Variants in NRXN3 observed in about 807,000 individuals in gnomAD.
The protein encoded by NRXN3 is neurexin III.
In NRXN3, 32 loss-of-function variants were observed where a neutral mutation model predicts 137.6. That is an observed-to-expected ratio of 0.23 (90% CI 0.18 to 0.31). The LOEUF is 0.31. NRXN3 is among the 10% of genes least tolerant of loss of function. The pLI is 1.00. For synonymous variants in NRXN3, 798 were observed against 784.5 expected, an observed-to-expected ratio of 1.02 and a Z score of -0.29; for missense variants, 1,574 against 2,062.5, an observed-to-expected ratio of 0.76 and a Z score of 4.59.
intron 15 of NRXN3, among the ~76,000 whole-genome samples, chr14:79,171,914 T>TA (rs750862341): frequency 1.3e-5 from 2 of 151,374 alleles, no homozygotes; most frequent in African/African-American, 2.4e-5. Flanking sequence ...CTTTCAAGAG[T>TA]AAAAGGAAAG....
chr14:79,128,445 T>C (rs1479775619), intron 15 of NRXN3, among the ~76,000 whole-genome samples: 156 of 134,478 alleles, frequency 1.2e-3, no homozygotes, highest in Admixed American at 2.3e-3. Context: ...CATGTGGTTT[T>C]TGTCTTTGGT....
chr14:78,783,282 A>T (rs749142016), intron 8 of NRXN3, among the ~76,000 whole-genome samples: 22 of 152,160 alleles, frequency 1.4e-4, no homozygotes, highest in Non-Finnish European at 2.9e-4. Flanking sequence ...TGCCAAAAAC[A>T]TGTAACTTCT....
At chr14:78,624,829 G>GTT (rs142137582) in intron 4 of NRXN3, among the ~76,000 whole-genome samples, 15,574 of 146,886 alleles carry the variant, frequency 0.11, 1,071 homozygotes, top group South Asian at 0.16. Context: ...GTGTGTGTGT[G>GTT]TGTTTGTTTG....
intron 16 of NRXN3, among the ~76,000 whole-genome samples, chr14:79,469,018 C>A (rs1211296559): frequency 1.3e-5 from 2 of 152,192 alleles, no homozygotes; most frequent in Non-Finnish European, 2.9e-5. Context: ...TAAGAACCAC[C>A]ATAATTTACA....
chr14:79,070,553 A>G (rs2099686342), intron 15 of NRXN3, among the ~76,000 whole-genome samples: 1 of 152,142 alleles, frequency 6.6e-6, no homozygotes. Context: ...CAATAACTCC[A>G]CATTTCTCTC....
At position 79,575,158 on chromosome 14, in the gene NRXN3, C is replaced by T. The variant is rs373507844; in HGVS notation, c.3445-88620C>T. On this transcript the variant is annotated intron_variant, in intron 16 of 20. Coordinates refer to ENST00000335750, the MANE Select transcript of NRXN3 (RefSeq NM_001330195.2). The stretch of plus-strand genomic sequence containing the variant: ...TATTTCTCACTGGAATTAGTATAGG[C>T]GGAAAACACCATCAATCATAGTCAT... Among the ~76,000 whole-genome samples the T allele has an allele frequency of 1.9e-3, 283 of 152,220 alleles. 3 individuals carry two copies. Among genetic ancestry groups the T allele is most frequent in the African/African-American group, 6.1e-3 (253 of 41,552 alleles).
chr14:78,503,038 G>A (rs1048358078), intron 4 of NRXN3, among the ~76,000 whole-genome samples: 7 of 152,128 alleles, frequency 4.6e-5, no homozygotes, highest in African/African-American at 1.7e-4. Flanking sequence ...GGAAAGCAGT[G>A]CCATATTATT....
chr14:79,620,983 A>G (rs943202096), intron 16 of NRXN3, among the ~76,000 whole-genome samples: 2 of 152,140 alleles, frequency 1.3e-5, no homozygotes, highest in Non-Finnish European at 2.9e-5. Flanking sequence ...GAAAGATTCA[A>G]CTAAAGAAAA....
intron 4 of NRXN3, among the ~76,000 whole-genome samples, chr14:78,514,455 T>A (rs1221232661): frequency 6.6e-6 from 1 of 152,074 alleles, no homozygotes; most frequent in Non-Finnish European, 1.5e-5. Flanking sequence ...GATGAGTACA[T>A]GAAGGTAGAC....
chr14:79,356,998 G>A (rs1286193497), intron 15 of NRXN3, among the ~76,000 whole-genome samples: 3 of 152,162 alleles, frequency 2.0e-5, no homozygotes. Context: ...AAAGTGCTGG[G>A]ATTAGAGACG....
intron 15 of NRXN3, among the ~76,000 whole-genome samples, chr14:79,170,852 C>A (rs191244388): frequency 1.3e-4 from 20 of 152,070 alleles, no homozygotes; most frequent in Non-Finnish European, 2.6e-4. Context: ...CTGAACTGAC[C>A]CAACCTCATG....
chr14:79,537,682 A>G (rs551289155), intron 16 of NRXN3, among the ~76,000 whole-genome samples: 91 of 152,234 alleles, frequency 6.0e-4, no homozygotes, highest in Admixed American at 1.8e-3. Context: ...TTCTTAATCC[A>G]GTCTATCATT....
chr14:78,934,631 T>TA (rs1368220322), intron 10 of NRXN3, among the ~76,000 whole-genome samples: 1 of 151,938 alleles, frequency 6.6e-6, no homozygotes, highest in Non-Finnish European at 1.5e-5. Flanking sequence ...TAAGAAGAAA[T>TA]AAAAAATGAT....
chr14:79,703,963 G>A (rs1332265310), intron 19 of NRXN3, among the ~76,000 whole-genome samples: 1 of 152,080 alleles, frequency 6.6e-6, no homozygotes, highest in Admixed American at 6.5e-5. Context: ...CTGTGGGGCT[G>A]GATAAGCCCA....
chr14:78,302,141 C>T (rs1355826360), intron 4 of NRXN3, among the ~76,000 whole-genome samples: 7 of 152,210 alleles, frequency 4.6e-5, no homozygotes, highest in Non-Finnish European at 1.0e-4. Context: ...TGCCTCTTCT[C>T]TCATTGGCAA....
At chr14:79,826,198 G>A (rs1385617741) in intron 20 of NRXN3, among the ~76,000 whole-genome samples, 1 of 152,092 alleles carries the variant, frequency 6.6e-6, no homozygotes, top group Non-Finnish European at 1.5e-5. Context: ...TCGCCATAGT[G>A]GCCAGGCTGG....
chr14:78,210,042 T>C (rs2062590531), intron 1 of NRXN3, among the ~76,000 whole-genome samples: 1 of 152,226 alleles, frequency 6.6e-6, no homozygotes, highest in African/African-American at 2.4e-5. Context: ...ACATAATAAG[T>C]GCTTAATAAA....
chr14:79,583,244 G>A (rs1602448147), intron 16 of NRXN3, among the ~76,000 whole-genome samples: 1 of 152,180 alleles, frequency 6.6e-6, no homozygotes, highest in East Asian at 1.9e-4. Context: ...TTAAAATAGA[G>A]ATAATTACAG....
intron 4 of NRXN3, among the ~76,000 whole-genome samples, chr14:78,336,410 C>G (rs1480272860): frequency 6.6e-6 from 1 of 152,132 alleles, no homozygotes; most frequent in Non-Finnish European, 1.5e-5. Flanking sequence ...GAGACAAACT[C>G]ATTATTTAGC....
Sources: allele counts gnomAD v4.1 joint callset (sites outside exome capture counted in the v4.1 genomes callset), GRCh38; gene constraint gnomAD v4.1.1; transcripts MANE v1.5; gene names NCBI Gene and HGNC (gene_info 2026-07-23, HGNC 2026-07-21).